The following EDIL3 variants were observed in gnomAD, a reference collection of about 807,000 sequenced individuals.
EDIL3 encodes EGF-like repeat and discoidin I-like domain-containing protein 3.
Under a neutral mutation model 67.4 loss-of-function variants are expected in EDIL3, and 37 were observed. That is an observed-to-expected ratio of 0.55 (90% CI 0.42 to 0.72). The LOEUF is 0.72. EDIL3 is among the 30% of genes least tolerant of loss of function. The pLI, the probability that EDIL3 is intolerant of heterozygous loss-of-function variation, is 0.00. For synonymous variants in EDIL3, 195 were observed against 196.3 expected, an observed-to-expected ratio of 0.99 and a Z score of 0.05; for missense variants, 527 against 586.3, an observed-to-expected ratio of 0.90 and a Z score of 1.04.
intron 9 of EDIL3, among the ~76,000 whole-genome samples, chr5:84,023,175 G>A (rs1479396497): frequency 2.0e-5 from 3 of 151,878 alleles, no homozygotes; most frequent in Admixed American, 1.3e-4. Flanking sequence ...TTATCATAAT[G>A]ATTACAAAAT....
intron 9 of EDIL3, among the ~76,000 whole-genome samples, chr5:83,999,739 T>C (rs1561398400): frequency 6.6e-6 from 1 of 152,056 alleles, no homozygotes; most frequent in Non-Finnish European, 1.5e-5. Context: ...AAAGGGATAA[T>C]AGCAGAGAAC....
intron 3 of EDIL3, among the ~76,000 whole-genome samples, chr5:84,224,407 G>C (rs1744407384): frequency 6.6e-6 from 1 of 151,246 alleles, no homozygotes; most frequent in South Asian, 2.1e-4. Context: ...TATTTTATAT[G>C]GATTAGTTTA....
In EDIL3 at chr5:84,183,834, G is replaced by A. The variant is rs552137390; in HGVS notation, c.227-3313C>T. Among the ~76,000 whole-genome samples, 12 of 152,244 alleles carry A rather than the reference G, an allele frequency of 7.9e-5. 1 individual carries two copies. The South Asian group carries it at 1.0e-3, about 13-fold the overall frequency. ...TAAAACAGTGATTCTGGGCAGGTGC[G>A]GTGGCTCACGCCTGTAATCCCAGCA... On this transcript the variant is annotated intron_variant, in intron 3 of 10. Transcript: ENST00000296591.
intron 1 of EDIL3, among the ~76,000 whole-genome samples, chr5:84,335,324 G>A (rs991889713): frequency 6.6e-6 from 1 of 152,238 alleles, no homozygotes; most frequent in African/African-American, 2.4e-5. Flanking sequence ...ATTTGTCCCT[G>A]CTTTCCAGAC....
intron 4 of EDIL3, among the ~76,000 whole-genome samples, chr5:84,137,957 C>A (rs1035124499): frequency 1.3e-5 from 2 of 152,162 alleles, no homozygotes; most frequent in African/African-American, 2.4e-5. Flanking sequence ...AGGGACTTAC[C>A]TTTGATATAC....
chr5:83,987,561 C>T (rs1352342323), intron 9 of EDIL3, among the ~76,000 whole-genome samples: 1 of 152,074 alleles, frequency 6.6e-6, no homozygotes, highest in Non-Finnish European at 1.5e-5. Context: ...AATGCAGCTG[C>T]TAAAAATCAA....
chr5:84,165,857 A>G (rs1748694556), intron 4 of EDIL3, among the ~76,000 whole-genome samples: 1 of 152,164 alleles, frequency 6.6e-6, no homozygotes, highest in African/African-American at 2.4e-5. Context: ...CTTCTACTGT[A>G]TATTTGTATT....
chr5:83,959,988 A>G (rs1172556758), intron 10 of EDIL3, among the ~76,000 whole-genome samples: 2 of 150,934 alleles, frequency 1.3e-5, no homozygotes, highest in African/African-American at 2.4e-5. Flanking sequence ...GGAGAGACCT[A>G]ATGCTCTGTA....
chr5:84,152,499 T>C (rs946010969), intron 4 of EDIL3, among the ~76,000 whole-genome samples: 4 of 152,222 alleles, frequency 2.6e-5, no homozygotes, highest in African/African-American at 9.6e-5. Flanking sequence ...GAAACTGCAT[T>C]GCTCTGTTAT....
Position 84,131,305 on chromosome 5 carries a change from C to T in EDIL3, c.469+5936G>A, listed in dbSNP as rs539159808. ...TAAAGAATCTGAGGCTCAGAAGGGG[C>T]AATGTACTTGTCAGGACATATAGTT... On this transcript the variant is annotated intron_variant, in intron 5 of 10. Transcript: ENST00000296591. Among the ~76,000 whole-genome samples, 12 of 152,136 alleles carry T rather than the reference C, an allele frequency of 7.9e-5. 1 individual carries two copies. The East Asian group carries it at 2.3e-3, about 29-fold the overall frequency.
At chr5:84,016,658 C>A (rs1195165273) in intron 9 of EDIL3, among the ~76,000 whole-genome samples, 2 of 152,180 alleles carry the variant, frequency 1.3e-5, no homozygotes, top group African/African-American at 4.8e-5. Context: ...TTGTATAAAT[C>A]ATCTTCATGC....
At chr5:84,254,046 A>G in intron 2 of EDIL3, 38 bp downstream of exon 2, 1 of 1,541,060 alleles carries the variant, frequency 6.5e-7, no homozygotes, top group South Asian at 1.3e-5. Flanking sequence ...CATGGAAATA[A>G]AAAGATAACT....
intron 1 of EDIL3, among the ~76,000 whole-genome samples, chr5:84,300,493 C>T (rs564198351): frequency 6.6e-6 from 1 of 152,300 alleles, no homozygotes; most frequent in East Asian, 1.9e-4. Flanking sequence ...ATTCTGCCTA[C>T]CACATCTACT....
At chr5:84,206,376 A>G (rs1743979720) in intron 3 of EDIL3, among the ~76,000 whole-genome samples, 1 of 151,924 alleles carries the variant, frequency 6.6e-6, no homozygotes, top group Non-Finnish European at 1.5e-5. Context: ...GTGCTGAAAA[A>G]AATGTATATT....
intron 9 of EDIL3, among the ~76,000 whole-genome samples, chr5:84,025,888 C>T (rs1336862584): frequency 1.3e-5 from 2 of 152,174 alleles, no homozygotes; most frequent in African/African-American, 4.8e-5. Flanking sequence ...TCCTTGCAGC[C>T]TTTGCCACAT....
intron 2 of EDIL3, among the ~76,000 whole-genome samples, chr5:84,233,728 G>C (rs1209711538): frequency 1.3e-5 from 2 of 151,968 alleles, no homozygotes; most frequent in African/African-American, 4.8e-5. Context: ...GTGGGGAGAG[G>C]CTCTTGGAAA....
intron 2 of EDIL3, among the ~76,000 whole-genome samples, chr5:84,233,220 G>C (rs957753017): frequency 2.0e-5 from 3 of 152,192 alleles, no homozygotes; most frequent in Non-Finnish European, 2.9e-5. Context: ...ATTTAAGTAA[G>C]TGTAATCCTC....
intron 9 of EDIL3, among the ~76,000 whole-genome samples, chr5:84,003,836 A>G (rs891501936): frequency 6.6e-6 from 1 of 152,102 alleles, no homozygotes; most frequent in Non-Finnish European, 1.5e-5. Context: ...TTACCCATAA[A>G]TTTAAACAGG....
intron 1 of EDIL3, among the ~76,000 whole-genome samples, chr5:84,291,745 GATATATCT>G (rs1182368429): frequency 1.3e-3 from 153 of 119,774 alleles, no homozygotes; most frequent in African/African-American, 2.5e-3. Context: ...TATCTATATA[GATATATCT>G]ATATATCTAT....
Sources: gnomAD v4.1 joint callset for allele counts (sites outside exome capture counted in the v4.1 genomes callset) on GRCh38, gnomAD v4.1.1 for gene constraint, MANE v1.5 for transcripts, NCBI Gene and HGNC (gene_info 2026-07-23, HGNC 2026-07-21) for gene names.